The following MIA2 variants were observed in gnomAD, a reference collection of about 807,000 sequenced individuals.
MIA2 encodes melanoma inhibitory activity protein 2.
MIA2 carries 127 observed loss-of-function variants against 167.8 expected under a neutral mutation model. The observed-to-expected ratio is 0.76, with a 90% CI of 0.66 to 0.88. MIA2 has a LOEUF of 0.88. Ranked by LOEUF, MIA2 falls within the 40% of genes least tolerant of loss-of-function variation. The probability of loss-of-function intolerance (pLI) is 0.00; values close to 1 mark genes in which losing one functional copy is unlikely to be tolerated. For synonymous variants in MIA2, 552 were observed against 541.9 expected, an observed-to-expected ratio of 1.02 and a Z score of -0.26; for missense variants, 1,690 against 1,624.7, an observed-to-expected ratio of 1.04 and a Z score of -0.69.
chr14:39,256,768 T>A (rs1216381530), intron 6 of MIA2, among the ~76,000 whole-genome samples: 1 of 151,990 alleles, frequency 6.6e-6, no homozygotes, highest in Non-Finnish European at 1.5e-5. Flanking sequence ...ATAGGAATTA[T>A]GAGTAAAAAA....
chr14:39,274,143 T>TTA (rs1185970225), intron 6 of MIA2, among the ~76,000 whole-genome samples: 1 of 152,224 alleles, frequency 6.6e-6, no homozygotes, highest in East Asian at 1.9e-4. Context: ...GGAATAGATT[T>TTA]TAAGTGTTCT....
intron 7 of MIA2, among the ~76,000 whole-genome samples, chr14:39,277,867 G>A (rs1197019627): frequency 7.1e-6 from 1 of 141,706 alleles, no homozygotes; most frequent in African/African-American, 2.9e-5. Flanking sequence ...TGCGCCTACA[G>A]CCTACAGCCT....
At chr14:39,320,095 A>G (rs1381042773) in intron 23 of MIA2, among the ~76,000 whole-genome samples, 2 of 139,116 alleles carry the variant, frequency 1.4e-5, no homozygotes, top group African/African-American at 5.5e-5. Flanking sequence ...GGTGAAGTAT[A>G]TAGAAGGATT....
intron 3 of MIA2, among the ~76,000 whole-genome samples, chr14:39,246,340 A>G (rs1705710647): frequency 6.7e-6 from 1 of 150,238 alleles, no homozygotes; most frequent in African/African-American, 2.4e-5. Context: ...CAGGCAATCC[A>G]CCCGCCTGAG....
intron 25 of MIA2, among the ~76,000 whole-genome samples, chr14:39,330,185 G>A (rs556191310): frequency 1.3e-4 from 20 of 152,066 alleles, no homozygotes; most frequent in Non-Finnish European, 2.5e-4. Context: ...CTTCTTCCTG[G>A]TTTAGTCTTG....
intron 23 of MIA2, among the ~76,000 whole-genome samples, chr14:39,376,723 A>G (rs116059875): frequency 0.011 from 1,617 of 152,282 alleles, 29 homozygotes; most frequent in African/African-American, 0.036. Context: ...TCCACAGATG[A>G]TTTTGAGGGC....
intron 4 of MIA2, among the ~76,000 whole-genome samples, chr14:39,251,482 T>C (rs971666499): frequency 1.3e-5 from 2 of 152,080 alleles, no homozygotes; most frequent in African/African-American, 2.4e-5. Flanking sequence ...GTATAGGGAA[T>C]ATTCATTTTT....
chr14:39,234,224 G>A lies in MIA2; in HGVS notation c.110G>A (p.Cys37Tyr), dbSNP rs1438963012. ...ADLKKCGDLECEALINRVSAM... is the reference protein window; with the variant it reads ...ADLKKCGDLEYEALINRVSAM... ...CTTAAAAAATGTGGTGACTTGGAATGTGAAGGTAAGTTTGCTTCCCCCGCT... is the reference window on the plus strand; with the variant it reads ...CTTAAAAAATGTGGTGACTTGGAATATGAAGGTAAGTTTGCTTCCCCCGCT... Residue 37 changes from cysteine (C) to tyrosine (Y), a missense_variant, in exon 1 of 29, where the codon TGT (cysteine) becomes TAT (tyrosine). By Grantham distance (194) the Cys-to-Tyr change is radical (BLOSUM62 -2). Transcript: ENST00000640607. 1 of 1,599,910 alleles carries A rather than the reference G, an allele frequency of 6.3e-7. No homozygotes were observed. Among genetic ancestry groups the A allele is most frequent in the South Asian group, 1.1e-5 (1 of 89,550 alleles).
intron 13 of MIA2, among the ~76,000 whole-genome samples, chr14:39,295,701 A>G (rs2061331021): frequency 1.3e-5 from 2 of 152,104 alleles, no homozygotes; most frequent in Non-Finnish European, 1.5e-5. Context: ...CTGGGACTAC[A>G]GGCGCGCGCC....
At chr14:39,261,264 T>C (rs541460846) in intron 6 of MIA2, among the ~76,000 whole-genome samples, 1 of 152,134 alleles carries the variant, frequency 6.6e-6, no homozygotes, top group Non-Finnish European at 1.5e-5. Context: ...CTTGCGATAG[T>C]TTGCTCAAAA....
chr14:39,317,291 A>G (rs1274237152), intron 21 of MIA2, among the ~76,000 whole-genome samples: 5 of 152,340 alleles, frequency 3.3e-5, no homozygotes, highest in Non-Finnish European at 5.9e-5. Context: ...AGCTTGTCAC[A>G]CGCTCCAGAG....
At chr14:39,265,432 A>G (rs1457763839) in intron 6 of MIA2, 7 of 1,607,976 alleles carry the variant, frequency 4.4e-6, no homozygotes, top group Non-Finnish European at 5.1e-6. Flanking sequence ...GTGAGTTTAT[A>G]ACTATTAAGC....
At position 39,268,454 on chromosome 14, in the gene MIA2, CA is replaced by C. The variant is rs11412419; in HGVS notation, c.1888-8469del. Among the ~76,000 whole-genome samples, 455 of 144,178 alleles carry C rather than the reference CA, an allele frequency of 3.2e-3. 2 individuals carry two copies. Among genetic ancestry groups the C allele is most frequent in the African/African-American group, 6.9e-3 (274 of 39,808 alleles). 94.6% of individuals were successfully genotyped at this position (144,178 alleles called of 152,430 possible). On this transcript the variant is annotated intron_variant, in intron 6 of 28. Transcript: ENST00000640607. ...ATGTTGTCTGTTAAGAGAGAGAAGA[CA>C]AAAAAAAAAATAGTACAAAGTAGAA...
At chr14:39,321,189 T>C (rs2066362053) in intron 24 of MIA2, 133 bp downstream of exon 24, 1 of 837,428 alleles carries the variant, frequency 1.2e-6, no homozygotes, top group Non-Finnish European at 1.8e-6. Flanking sequence ...TAGATAACTT[T>C]TATTTGGAAA....
chr14:39,244,019 G>A (rs1290932329), intron 3 of MIA2, among the ~76,000 whole-genome samples: 1 of 152,244 alleles, frequency 6.6e-6, no homozygotes, highest in Non-Finnish European at 1.5e-5. Context: ...GGGGAACCCA[G>A]AAAAGCCTGT....
intron 13 of MIA2, 44 bp downstream of exon 13, chr14:39,295,073 A>G (rs750915587): frequency 1.5e-6 from 2 of 1,306,030 alleles, no homozygotes; most frequent in Non-Finnish European, 1.1e-6. Context: ...ATATGTAATT[A>G]TAGATGTTCT....
chr14:39,285,403 G>T (rs2059499958), intron 9 of MIA2, among the ~76,000 whole-genome samples: 1 of 148,492 alleles, frequency 6.7e-6, no homozygotes, highest in South Asian at 2.1e-4. Flanking sequence ...CCTCCCGGAA[G>T]GGGCGGCTGG....
chr14:39,269,206 C>T (rs990855135), intron 6 of MIA2, among the ~76,000 whole-genome samples: 1 of 150,180 alleles, frequency 6.7e-6, no homozygotes, highest in Admixed American at 6.7e-5. Flanking sequence ...TATATTCACA[C>T]AACATAAAAT....
intron 24 of MIA2, among the ~76,000 whole-genome samples, chr14:39,322,587 T>A (rs548801911): frequency 1.3e-5 from 2 of 149,450 alleles, no homozygotes; most frequent in Admixed American, 1.3e-4. Flanking sequence ...GCCACAATTG[T>A]CTGCTGTTAC....
Sources: gnomAD v4.1 joint callset for allele counts (sites outside exome capture counted in the v4.1 genomes callset) on GRCh38, gnomAD v4.1.1 for gene constraint, MANE v1.5 for transcripts, NCBI Gene and HGNC (gene_info 2026-07-23, HGNC 2026-07-21) for gene names.